The following MAGI2 variants were observed in gnomAD, a reference collection of about 807,000 sequenced individuals.
The protein encoded by MAGI2 is membrane associated guanylate kinase, WW and PDZ domain containing 2.
Under a neutral mutation model 133.3 loss-of-function variants are expected in MAGI2, and 35 were observed. The observed-to-expected ratio is 0.26, with a 90% confidence interval of 0.20 to 0.35. The LOEUF (loss-of-function observed/expected upper bound fraction) is 0.35, where lower values mean the gene tolerates loss of function less well. Ranked by LOEUF, MAGI2 falls within the 10% of genes least tolerant of loss-of-function variation. The probability of loss-of-function intolerance (pLI) is 1.00; values close to 1 mark genes in which losing one functional copy is unlikely to be tolerated. For synonymous variants in MAGI2, 729 were observed against 710.6 expected (o/e 1.03, Z -0.41); for missense variants, 1,636 against 1,863.4 (o/e 0.88, Z 2.25).
rs540333073 is a variant in MAGI2, at chr7:78,388,401, G to C, written c.1046-19188C>G. 3.3e-5 allele frequency among the ~76,000 whole-genome samples: 5 copies of C among 152,208 alleles called. 1 individual carries two copies. In the South Asian group the frequency reaches 1.0e-3, roughly 32 times the overall value. On this transcript the variant is annotated intron_variant, in intron 6 of 21. Coordinates refer to ENST00000354212, the MANE Select transcript of MAGI2 (RefSeq NM_012301.4). Reference sequence around the variant, plus strand: ...GACATTGGGTCCAAACTTAGAGTGTGCGGCAGGTAAAAATCACTAGTGTAT... The same window carrying C: ...GACATTGGGTCCAAACTTAGAGTGTCCGGCAGGTAAAAATCACTAGTGTAT...
chr7:78,472,023 A>G (rs1791259515), intron 6 of MAGI2, among the ~76,000 whole-genome samples: 1 of 151,942 alleles, frequency 6.6e-6, no homozygotes, highest in Non-Finnish European at 1.5e-5. Flanking sequence ...ATCTGAATCC[A>G]AGCAGTGTGG....
At chr7:78,373,700 G>T (rs1389878603) in intron 6 of MAGI2, among the ~76,000 whole-genome samples, 1 of 152,042 alleles carries the variant, frequency 6.6e-6, no homozygotes, top group Non-Finnish European at 1.5e-5. Context: ...CATCACCCAG[G>T]TACTGAGCAT....
chr7:78,090,917 A>G (rs911727140), intron 20 of MAGI2, among the ~76,000 whole-genome samples: 3 of 152,206 alleles, frequency 2.0e-5, no homozygotes, highest in African/African-American at 7.2e-5. Context: ...AGCACTGGGA[A>G]ATACACTCTT....
chr7:79,303,073 CAGAT>C (rs1157567996), intron 1 of MAGI2, among the ~76,000 whole-genome samples: 1 of 152,100 alleles, frequency 6.6e-6, no homozygotes, highest in African/African-American at 2.4e-5. Flanking sequence ...TAGAGTCTCA[CAGAT>C]AAATAATTTA....
At chr7:78,223,025 A>G (rs1488740424) in intron 10 of MAGI2, among the ~76,000 whole-genome samples, 2 of 152,198 alleles carry the variant, frequency 1.3e-5, no homozygotes, top group Admixed American at 6.5e-5. Flanking sequence ...GGATACTCTG[A>G]ACAACACAGC....
intron 1 of MAGI2, among the ~76,000 whole-genome samples, chr7:79,031,577 T>C (rs1004471752): frequency 2.6e-5 from 4 of 152,182 alleles, no homozygotes; most frequent in African/African-American, 7.2e-5. Context: ...AATTAGCAAG[T>C]ATTCTAAATT....
chr7:78,576,033 T>C (rs1461423402), intron 3 of MAGI2, among the ~76,000 whole-genome samples: 1 of 152,136 alleles, frequency 6.6e-6, no homozygotes, highest in East Asian at 1.9e-4. Context: ...ACTATTTTTG[T>C]ACATAAATAT....
chr7:79,307,469 G>A (rs1028456266), intron 1 of MAGI2, among the ~76,000 whole-genome samples: 1 of 152,100 alleles, frequency 6.6e-6, no homozygotes, highest in Non-Finnish European at 1.5e-5. Context: ...AATGTGTCAG[G>A]GTGTGAGAAA....
At chr7:78,438,593 A>G (rs1191540183) in intron 6 of MAGI2, among the ~76,000 whole-genome samples, 4 of 152,186 alleles carry the variant, frequency 2.6e-5, no homozygotes, top group African/African-American at 9.7e-5. Flanking sequence ...GGCCAAAGTC[A>G]TGAAAAATCC....
chr7:78,904,199 C>A (rs968611930), intron 2 of MAGI2: 2 of 151,922 alleles, frequency 1.3e-5, no homozygotes, highest in Non-Finnish European at 2.9e-5. Flanking sequence ...ATGATTTTGC[C>A]AGAGGAGCGA....
At chr7:79,318,596 G>A (rs11763567) in intron 1 of MAGI2, among the ~76,000 whole-genome samples, 28,960 of 151,918 alleles carry the variant, frequency 0.19, 2,873 homozygotes, top group Admixed American at 0.22. Context: ...TTTTTACTCC[G>A]ACCTAATATA....
intron 10 of MAGI2, among the ~76,000 whole-genome samples, chr7:78,235,574 C>G (rs888014307): frequency 1.3e-5 from 2 of 152,128 alleles, no homozygotes; most frequent in African/African-American, 2.4e-5. Context: ...CTTGGCACTT[C>G]TCTCTCCTGC....
intron 15 of MAGI2, 48 bp downstream of exon 15, chr7:78,167,868 A>G: frequency 6.4e-7 from 1 of 1,559,900 alleles, no homozygotes; most frequent in East Asian, 2.3e-5. Context: ...TCACAAAAGC[A>G]TCTTACCACC....
At chr7:78,256,879 A>G (rs1793036422) in intron 9 of MAGI2, among the ~76,000 whole-genome samples, 1 of 152,244 alleles carries the variant, frequency 6.6e-6, no homozygotes. Context: ...ACCTTGAAGA[A>G]GCACATTCTC....
intron 18 of MAGI2, among the ~76,000 whole-genome samples, chr7:78,131,007 A>G (rs544005167): frequency 1.3e-5 from 2 of 152,336 alleles, no homozygotes; most frequent in East Asian, 3.9e-4. Flanking sequence ...TGGGAGCAAG[A>G]GCCATGTCCA....
chr7:78,589,176 G>A (rs1207843357), intron 3 of MAGI2, among the ~76,000 whole-genome samples: 2 of 152,162 alleles, frequency 1.3e-5, no homozygotes, highest in African/African-American at 4.8e-5. Flanking sequence ...AATTCACCAA[G>A]CAAATCTACG....
At chr7:79,197,343 A>G (rs755660646) in intron 1 of MAGI2, among the ~76,000 whole-genome samples, 8 of 152,176 alleles carry the variant, frequency 5.3e-5, no homozygotes, top group Non-Finnish European at 1.0e-4. Context: ...GACTGTAAAG[A>G]CCATAAGCTT....
chr7:79,442,785 A>G (rs984997681), intron 1 of MAGI2, among the ~76,000 whole-genome samples: 2 of 152,130 alleles, frequency 1.3e-5, no homozygotes, highest in Non-Finnish European at 2.9e-5. Flanking sequence ...ATGACTTGCT[A>G]GAATGGTAAG....
intron 7 of MAGI2, among the ~76,000 whole-genome samples, chr7:78,363,027 A>G (rs1792988794): frequency 1.3e-5 from 2 of 152,218 alleles, no homozygotes; most frequent in South Asian, 4.1e-4. Context: ...TTAAAATAAA[A>G]GTAGAAGTTA....
Sources: gnomAD v4.1 joint callset for allele counts (sites outside exome capture counted in the v4.1 genomes callset) on GRCh38, gnomAD v4.1.1 for gene constraint, MANE v1.5 for transcripts, NCBI Gene and HGNC (gene_info 2026-07-23, HGNC 2026-07-21) for gene names.